Variants in DLG2 observed in about 807,000 individuals in gnomAD.
DLG2 encodes the protein disks large homolog 2.
DLG2 carries 45 observed loss-of-function variants against 132.5 expected under a neutral mutation model. That is an observed-to-expected ratio of 0.34 (90% CI 0.27 to 0.44). The LOEUF (loss-of-function observed/expected upper bound fraction) is 0.44. Among genes scored for constraint, DLG2 ranks in the 20% least tolerant of loss-of-function variants. The pLI is 1.00. For missense variants in DLG2, 1,045 were observed against 1,196.9 expected, an observed-to-expected ratio of 0.87 and a Z score of 1.87; for synonymous variants, 424 against 419.6, an observed-to-expected ratio of 1.01 and a Z score of -0.13.
chr11:84,069,970 G>T (rs1002936057), intron 10 of DLG2, among the ~76,000 whole-genome samples: 1 of 152,146 alleles, frequency 6.6e-6, no homozygotes, highest in African/African-American at 2.4e-5. Context: ...TGAGGTGCTG[G>T]TACCTACCAC....
intron 18 of DLG2, among the ~76,000 whole-genome samples, chr11:83,731,500 G>A (rs926050674): frequency 1.3e-5 from 2 of 152,104 alleles, no homozygotes; most frequent in Non-Finnish European, 2.9e-5. Context: ...AGTATTCCAT[G>A]GTGTATACGT....
At chr11:84,091,496 C>T (rs763280723) in intron 10 of DLG2, among the ~76,000 whole-genome samples, 6 of 152,084 alleles carry the variant, frequency 3.9e-5, no homozygotes, top group Non-Finnish European at 8.8e-5. Flanking sequence ...TTAGAAAGTC[C>T]CAAGTCCAAT....
chr11:85,426,301 G>A (rs1597234113), intron 3 of DLG2, among the ~76,000 whole-genome samples: 1 of 152,178 alleles, frequency 6.6e-6, no homozygotes, highest in East Asian at 1.9e-4. Context: ...GCACGCAGTT[G>A]GACATCTGAG....
At chr11:84,630,106 C>T (rs1459952538) in intron 6 of DLG2, among the ~76,000 whole-genome samples, 3 of 152,134 alleles carry the variant, frequency 2.0e-5, no homozygotes, top group Non-Finnish European at 4.4e-5. Flanking sequence ...ATTTCAGGCT[C>T]AAGTAATGAG....
chr11:83,605,007 C>CAGACAGAGAGAGAGAGAGAGAGAG, intron 19 of DLG2, among the ~76,000 whole-genome samples: 1 of 129,930 alleles, frequency 7.7e-6, no homozygotes, highest in Non-Finnish European at 1.7e-5. Flanking sequence ...TTTTCAAAGA[C>CAGACAGAGAGAGAGAGAGAGAGAG]AGAGAGAGAG....
intron 6 of DLG2, among the ~76,000 whole-genome samples, chr11:84,928,052 T>C (rs1468675103): frequency 2.0e-5 from 3 of 151,746 alleles, no homozygotes; most frequent in African/African-American, 7.3e-5. Flanking sequence ...TAGGAAGATA[T>C]CAACTCCAGA....
At chr11:84,721,069 G>A (rs1393996629) in intron 6 of DLG2, among the ~76,000 whole-genome samples, 10 of 152,074 alleles carry the variant, frequency 6.6e-5, no homozygotes, top group Admixed American at 5.2e-4. Context: ...CCGCGCTGAC[G>A]TGACCCCGAG....
chr11:83,875,328 TA>T (rs1410387798), intron 15 of DLG2, among the ~76,000 whole-genome samples: 1 of 152,168 alleles, frequency 6.6e-6, no homozygotes, highest in African/African-American at 2.4e-5. Flanking sequence ...TAAGTGTTTT[TA>T]AATTTTTATG....
At chr11:83,524,650 A>T (rs1157763905) in intron 21 of DLG2, among the ~76,000 whole-genome samples, 2 of 152,126 alleles carry the variant, frequency 1.3e-5, no homozygotes, top group African/African-American at 4.8e-5. Flanking sequence ...TGCCCTCAAG[A>T]TGGAGGACCT....
At position 85,465,621 on chromosome 11, in the gene DLG2, C is replaced by A. The variant is rs565420121; in HGVS notation, c.40+133036G>T. 4.7e-4 allele frequency among the ~76,000 whole-genome samples: 72 copies of A among 152,190 alleles called. 1 individual carries two copies. The highest frequency in any genetic ancestry group is 1.6e-3 in the African/African-American group (66 of 41,512). ...GTTTCCAGCTTCATCCATGTCCTTACAAAGGACATGAACTCATCATTTTTT... is the reference window on the plus strand; with the variant it reads ...GTTTCCAGCTTCATCCATGTCCTTAAAAAGGACATGAACTCATCATTTTTT... On this transcript the variant is annotated intron_variant, in intron 3 of 27. Coordinates refer to ENST00000376104, the MANE Select transcript of DLG2 (RefSeq NM_001142699.3).
At chr11:83,972,182 C>T (rs147996608) in intron 12 of DLG2, among the ~76,000 whole-genome samples, 4 of 152,134 alleles carry the variant, frequency 2.6e-5, no homozygotes, top group African/African-American at 4.8e-5. Context: ...TTTCTAGAAA[C>T]GAAGGCAACT....
At chr11:85,372,880 C>T (rs1463437107) in intron 3 of DLG2, among the ~76,000 whole-genome samples, 1 of 152,202 alleles carries the variant, frequency 6.6e-6, no homozygotes, top group Non-Finnish European at 1.5e-5. Flanking sequence ...GAACCAGGGA[C>T]ACCTGCTCCC....
intron 8 of DLG2, among the ~76,000 whole-genome samples, chr11:84,185,894 G>C (rs2096267316): frequency 6.6e-6 from 1 of 152,092 alleles, no homozygotes; most frequent in Non-Finnish European, 1.5e-5. Context: ...ATTTGGGATT[G>C]TCTTTGTTTC....
intron 7 of DLG2, among the ~76,000 whole-genome samples, chr11:84,388,164 A>C (rs1391840214): frequency 6.6e-6 from 1 of 152,218 alleles, no homozygotes; most frequent in East Asian, 1.9e-4. Flanking sequence ...CTACAGATAC[A>C]CAGAATTCCA....
rs549376277 is a variant in DLG2 at position 85,136,562 on chromosome 11, G to T, written c.282+17994C>A. On this transcript the variant is annotated intron_variant, in intron 5 of 27. Transcript: ENST00000376104. ...TTGGCAAGATAAAAAGCCTCAGCCTGCAAGCTGCTTTACTTGATATTCCTT... is the reference window on the plus strand; with the variant it reads ...TTGGCAAGATAAAAAGCCTCAGCCTTCAAGCTGCTTTACTTGATATTCCTT... Among the ~76,000 whole-genome samples, 21 of 152,200 alleles carry T rather than the reference G, an allele frequency of 1.4e-4. No homozygotes were observed. In the East Asian group the frequency reaches 3.5e-3, roughly 25 times the overall value.
intron 6 of DLG2, among the ~76,000 whole-genome samples, chr11:84,905,690 G>C (rs146660665): frequency 2.0e-3 from 301 of 152,204 alleles, no homozygotes; most frequent in African/African-American, 6.9e-3. Flanking sequence ...GTAAGCATGG[G>C]CTGACTTCTA....
chr11:84,912,798 G>A (rs2154078391), intron 6 of DLG2, among the ~76,000 whole-genome samples: 2 of 152,324 alleles, frequency 1.3e-5, no homozygotes, highest in East Asian at 3.9e-4. Flanking sequence ...AGAAGGTAAT[G>A]ATGGAAAGTG....
intron 18 of DLG2, among the ~76,000 whole-genome samples, chr11:83,779,500 C>T (rs187374995): frequency 2.0e-5 from 3 of 152,154 alleles, no homozygotes; most frequent in Admixed American, 1.3e-4. Context: ...TTTTTGACCC[C>T]TTTATGTCCA....
At chr11:84,430,252 A>G (rs2098980072) in intron 7 of DLG2, among the ~76,000 whole-genome samples, 1 of 152,088 alleles carries the variant, frequency 6.6e-6, no homozygotes, top group African/African-American at 2.4e-5. Context: ...CCTGGCCAAC[A>G]TGGTGAAACC....
Sources: gnomAD v4.1 joint callset for allele counts (sites outside exome capture counted in the v4.1 genomes callset) on GRCh38, gnomAD v4.1.1 for gene constraint, MANE v1.5 for transcripts, NCBI Gene and HGNC (gene_info 2026-07-23, HGNC 2026-07-21) for gene names.